TACC2: variants seen among roughly 807,000 people sequenced by gnomAD.
TACC2 encodes transforming acidic coiled-coil-containing protein 2.
In TACC2, 137 loss-of-function variants were observed where a neutral mutation model predicts 227.3. That is an observed-to-expected ratio of 0.60 (90% CI 0.52 to 0.69). TACC2 has a LOEUF of 0.69. Among genes scored for constraint, TACC2 ranks in the 30% least tolerant of loss-of-function variants. The pLI is 0.00. For synonymous variants in TACC2, 1,523 were observed against 1,487.5 expected (o/e 1.02, Z -0.55); for missense variants, 3,470 against 3,694.4 (o/e 0.94, Z 1.57).
At chr10:122,174,863 T>C (rs2045247051) in intron 7 of TACC2, among the ~76,000 whole-genome samples, 1 of 152,230 alleles carries the variant, frequency 6.6e-6, no homozygotes, top group South Asian at 2.1e-4. Flanking sequence ...CTCTCCCCCA[T>C]GTCCCAGCCT....
intron 7 of TACC2, among the ~76,000 whole-genome samples, chr10:122,155,761 T>C (rs921773432): frequency 1.3e-5 from 2 of 152,082 alleles, no homozygotes; most frequent in African/African-American, 4.8e-5. Context: ...CCGAAGGAAA[T>C]TGTTATCTGA....
At chr10:122,033,904 C>A (rs1394867016) in intron 2 of TACC2, among the ~76,000 whole-genome samples, 3 of 152,132 alleles carry the variant, frequency 2.0e-5, no homozygotes, top group Non-Finnish European at 4.4e-5. Flanking sequence ...GTAATCCCAG[C>A]ACTTTGGGAA....
At chr10:122,216,292 C>G (rs747846179) in intron 10 of TACC2, among the ~76,000 whole-genome samples, 1 of 152,120 alleles carries the variant, frequency 6.6e-6, no homozygotes, top group Non-Finnish European at 1.5e-5. Context: ...TATTGATGTG[C>G]AGGCCTGAAG....
rs1450626983 is a variant in TACC2 at position 122,180,270 on chromosome 10, C to T, written c.5835-14770C>T. Among the ~76,000 whole-genome samples, 1 of 152,016 alleles carries T rather than the reference C, an allele frequency of 6.6e-6. No individual in the cohort carries two copies. Among genetic ancestry groups the T allele is most frequent in the Non-Finnish European group, 1.5e-5 (1 of 68,008 alleles). On this transcript the variant is annotated intron_variant, in intron 7 of 22. Transcript: ENST00000369005. The surrounding 1 kb of genome is among the most constrained non-coding windows in gnomAD (Gnocchi z 4.5). ...CCCATTCCTTGAACCTGCCACCCTC[C>T]TTCCCCCTCCCACCTCAGGGCTCTT...
At chr10:122,098,990 G>T (rs1354127451) in intron 5 of TACC2, among the ~76,000 whole-genome samples, 2 of 152,204 alleles carry the variant, frequency 1.3e-5, no homozygotes, top group South Asian at 4.1e-4. Context: ...CTCTTGCCAG[G>T]AGCGGCTGCA....
Position 122,177,724 on chromosome 10 carries a change from C to T in TACC2, c.5835-17316C>T, listed in dbSNP as rs1057089100. 5.3e-5 allele frequency among the ~76,000 whole-genome samples: 8 copies of T among 152,250 alleles called. No individual in the cohort carries two copies. In the East Asian group the frequency reaches 7.7e-4, roughly 15 times the overall value. ...TCGCAAACAAACAGGATTATTCTGTCGCAGAAAGAATTGGGAGTGTGGATT... is the reference window on the plus strand; with the variant it reads ...TCGCAAACAAACAGGATTATTCTGTTGCAGAAAGAATTGGGAGTGTGGATT... On this transcript the variant is annotated intron_variant, in intron 7 of 22. Coordinates refer to ENST00000369005, the MANE Select transcript of TACC2 (RefSeq NM_206862.4).
intron 1 of TACC2, among the ~76,000 whole-genome samples, chr10:122,013,448 G>A (rs1956188925): frequency 6.6e-6 from 1 of 152,196 alleles, no homozygotes; most frequent in Non-Finnish European, 1.5e-5. Context: ...GTAGCTCCAT[G>A]CTCAGCTGTG....
chr10:122,118,802 G>C (rs1367528339), intron 5 of TACC2, among the ~76,000 whole-genome samples: 2 of 152,162 alleles, frequency 1.3e-5, no homozygotes. Flanking sequence ...TGAGTGGCCT[G>C]TTCTCAGCCT....
At chr10:122,128,646 C>G (rs892110968) in intron 5 of TACC2, among the ~76,000 whole-genome samples, 1 of 152,170 alleles carries the variant, frequency 6.6e-6, no homozygotes, top group Admixed American at 6.5e-5. Context: ...AAAGCTTTCA[C>G]TGAGTTATAC....
At chr10:122,145,300 G>C (rs996504538) in intron 7 of TACC2, among the ~76,000 whole-genome samples, 1 of 152,292 alleles carries the variant, frequency 6.6e-6, no homozygotes, top group East Asian at 1.9e-4. Flanking sequence ...TCAACAAATT[G>C]TGGTATATCT....
At chr10:122,061,136 C>T (rs1341332336) in intron 3 of TACC2, among the ~76,000 whole-genome samples, 1 of 150,970 alleles carries the variant, frequency 6.6e-6, no homozygotes, top group Non-Finnish European at 1.5e-5. Flanking sequence ...GGTGAAACCC[C>T]ATCTCTACTA....
intron 5 of TACC2, among the ~76,000 whole-genome samples, chr10:122,119,311 A>T (rs1206100781): frequency 6.6e-6 from 1 of 152,220 alleles, no homozygotes; most frequent in Non-Finnish European, 1.5e-5. Flanking sequence ...ATGGCGAGTA[A>T]GTGGCAGAGC....
At chr10:122,167,986 A>T (rs1251734858) in intron 7 of TACC2, among the ~76,000 whole-genome samples, 1 of 151,784 alleles carries the variant, frequency 6.6e-6, no homozygotes, top group Non-Finnish European at 1.5e-5. Context: ...TTCCGGACTC[A>T]AGGGATTTTC....
In TACC2 at chr10:122,070,171, C is replaced by T. The variant is rs919648281; in HGVS notation, c.147-12476C>T. 1.3e-5 allele frequency among the ~76,000 whole-genome samples: 2 copies of T among 152,148 alleles called. 1 individual carries two copies. The highest frequency in any genetic ancestry group is 4.1e-4 in the South Asian group (2 of 4,832). Reference sequence around the variant, plus strand: ...GAGCTCAGTCTGAGACAGGTAACACCGGTAACATCTTATGCGTCAGAGAAT... The same window carrying T: ...GAGCTCAGTCTGAGACAGGTAACACTGGTAACATCTTATGCGTCAGAGAAT... On this transcript the variant is annotated intron_variant, in intron 3 of 22. Transcript: ENST00000369005.
intron 1 of TACC2, among the ~76,000 whole-genome samples, chr10:122,002,850 T>A (rs1954577406): frequency 6.6e-6 from 1 of 152,224 alleles, no homozygotes; most frequent in African/African-American, 2.4e-5. Context: ...TTGTGCTTTC[T>A]CCCTTTTTCT....
chr10:122,226,979 G>A (rs1466258044), intron 13 of TACC2, among the ~76,000 whole-genome samples: 3 of 152,158 alleles, frequency 2.0e-5, no homozygotes, highest in African/African-American at 7.2e-5. Flanking sequence ...CTGAAGTGAG[G>A]TACTTGCCTC....
rs1423857941 is a variant in TACC2, at chr10:122,243,124, A to T, written c.8392+1123A>T. 3.3e-5 allele frequency among the ~76,000 whole-genome samples: 5 copies of T among 152,136 alleles called. No homozygotes were observed. In the East Asian group the frequency reaches 9.6e-4, roughly 29 times the overall value. On this transcript the variant is annotated intron_variant, in intron 19 of 22. Transcript: ENST00000369005. ...ATGCCTGGCTAATTTTTGTATTTTTAGTAGAGACGGGGTTTCACTATGTTG... is the reference window on the plus strand; with the variant it reads ...ATGCCTGGCTAATTTTTGTATTTTTTGTAGAGACGGGGTTTCACTATGTTG...
chr10:122,159,566 A>G (rs2092697499), intron 7 of TACC2, among the ~76,000 whole-genome samples: 1 of 152,130 alleles, frequency 6.6e-6, no homozygotes, highest in Non-Finnish European at 1.5e-5. Flanking sequence ...ACGGGGCTGG[A>G]TGCCTGGGGC....
At chr10:122,129,455 G>T (rs537466804) in intron 5 of TACC2, among the ~76,000 whole-genome samples, 23 of 152,272 alleles carry the variant, frequency 1.5e-4, no homozygotes, top group African/African-American at 5.1e-4. Flanking sequence ...GTTGTTTCCA[G>T]ATTTTTTGCT....
Sources: gnomAD v4.1 joint callset for allele counts (sites outside exome capture counted in the v4.1 genomes callset) on GRCh38, gnomAD v4.1.1 for gene constraint, Gnocchi (gnomAD v3.1) non-coding constraint, MANE v1.5 for transcripts, NCBI Gene and HGNC (gene_info 2026-07-23, HGNC 2026-07-21) for gene names.